Variants in AOPEP observed in about 807,000 individuals in gnomAD.
AOPEP encodes the protein aminopeptidase O (putative).
Under a neutral mutation model 98.1 loss-of-function variants are expected in AOPEP, and 77 were observed. The observed-to-expected ratio is 0.78, with a 90% confidence interval of 0.65 to 0.95. The LOEUF (loss-of-function observed/expected upper bound fraction) is 0.95. Ranked by LOEUF, AOPEP falls within the 40% of genes least tolerant of loss-of-function variation. The pLI, the probability that AOPEP is intolerant of heterozygous loss-of-function variation, is 0.00. For synonymous variants in AOPEP, 346 were observed against 365.3 expected (o/e 0.95, Z 0.60); for missense variants, 1,024 against 1,024.7 (o/e 1.00, Z 0.01).
chr9:94,850,210 A>T (rs1412447680), intron 5 of AOPEP, among the ~76,000 whole-genome samples: 1 of 151,968 alleles, frequency 6.6e-6, no homozygotes, highest in East Asian at 1.9e-4. Context: ...TAAAAAAGTT[A>T]CTTTTTAGTT....
chr9:95,123,217 C>T, the AOPEP span: 17 of 203,650 alleles, frequency 8.3e-5, no homozygotes, highest in Admixed American at 3.3e-4. Context: ...GTGGGGGGAT[C>T]GCTTGAGCCC....
chr9:95,120,345 T>A, the AOPEP span, among the ~76,000 whole-genome samples: 1 of 152,186 alleles, frequency 6.6e-6, no homozygotes, highest in Admixed American at 6.5e-5. Flanking sequence ...ATATCTGGAC[T>A]CAATTCTGAT....
intron 13 of AOPEP, among the ~76,000 whole-genome samples, chr9:95,051,350 A>G (rs1436061275): frequency 1.3e-5 from 2 of 151,476 alleles, no homozygotes; most frequent in Admixed American, 6.6e-5. Context: ...GGCCTCCCAA[A>G]ATGTTGGGAT....
chr9:94,879,095 G>C (rs1218024041), intron 5 of AOPEP, among the ~76,000 whole-genome samples: 1 of 152,182 alleles, frequency 6.6e-6, no homozygotes, highest in Non-Finnish European at 1.5e-5. Context: ...TCCAGGGTCT[G>C]CAAAATATCT....
intron 1 of AOPEP, among the ~76,000 whole-genome samples, chr9:94,744,614 T>A (rs1199779073): frequency 1.4e-5 from 2 of 143,364 alleles, no homozygotes; most frequent in Non-Finnish European, 3.0e-5. Flanking sequence ...GGCAGGAGAA[T>A]CACTTCAACC....
At chr9:95,122,041 G>T in the AOPEP span, among the ~76,000 whole-genome samples, 19 of 151,730 alleles carry the variant, frequency 1.3e-4, 2 homozygotes, top group Non-Finnish European at 1.5e-5. Flanking sequence ...TGTATTTTTA[G>T]TAGAGACAGG....
At chr9:95,046,583 G>C (rs183350199) in intron 13 of AOPEP, among the ~76,000 whole-genome samples, 83 of 152,338 alleles carry the variant, frequency 5.4e-4, no homozygotes, top group African/African-American at 1.9e-3. Flanking sequence ...TTAAAGGGGA[G>C]TGTTGTGTGC....
chr9:94,989,638 G>C (rs1333888430), intron 11 of AOPEP, among the ~76,000 whole-genome samples: 2 of 139,932 alleles, frequency 1.4e-5, no homozygotes, highest in African/African-American at 5.5e-5. Context: ...TTGAGACAGA[G>C]TCTTGCTCTC....
chr9:94,986,134 C>A (rs1225319608), intron 11 of AOPEP, among the ~76,000 whole-genome samples: 2 of 152,150 alleles, frequency 1.3e-5, no homozygotes, highest in Non-Finnish European at 2.9e-5. Flanking sequence ...GACCAAGGTG[C>A]CAACAGCGTT....
intron 11 of AOPEP, among the ~76,000 whole-genome samples, chr9:94,993,811 T>G (rs1001973290): frequency 7.2e-5 from 11 of 152,166 alleles, no homozygotes; most frequent in Admixed American, 7.2e-4. Context: ...TCACCAACTT[T>G]ATTGGCATGA....
chr9:94,857,750 TTC>T (rs1255897873), intron 5 of AOPEP, among the ~76,000 whole-genome samples: 3 of 152,170 alleles, frequency 2.0e-5, no homozygotes, highest in African/African-American at 7.2e-5. Flanking sequence ...GGCTTATCAT[TTC>T]ATGGAATGTG....
At chr9:94,869,971 A>ATTTTTTTTTTTTTTTTTT (rs10556167) in intron 5 of AOPEP, among the ~76,000 whole-genome samples, 1 of 93,554 alleles carries the variant, frequency 1.1e-5, no homozygotes, top group African/African-American at 4.4e-5. Context: ...GAAGCCATGA[A>ATTTTTTTTTTTTTTTTTT]TTTTTTTTTT....
the AOPEP span, among the ~76,000 whole-genome samples, chr9:95,122,677 G>A: frequency 6.6e-6 from 1 of 152,202 alleles, no homozygotes; most frequent in South Asian, 2.1e-4. Context: ...GGCCAACATA[G>A]AGGCTGAGGG....
intron 5 of AOPEP, among the ~76,000 whole-genome samples, chr9:94,886,856 A>G (rs2048301869): frequency 6.6e-6 from 1 of 152,204 alleles, no homozygotes; most frequent in African/African-American, 2.4e-5. Context: ...CTGTTGCTTA[A>G]TATGAATGTG....
At chr9:94,988,868 C>T (rs1401581154) in intron 11 of AOPEP, among the ~76,000 whole-genome samples, 1 of 151,890 alleles carries the variant, frequency 6.6e-6, no homozygotes, top group African/African-American at 2.4e-5. Context: ...GTAATTATCT[C>T]ATATTCTGAA....
At chr9:95,006,218 A>G (rs1372735004) in intron 13 of AOPEP, 2 of 373,734 alleles carry the variant, frequency 5.4e-6, no homozygotes. Context: ...AAATAAGGTA[A>G]GTAGCCCGTT....
chr9:94,944,869 A>T (rs1313366796), intron 7 of AOPEP, among the ~76,000 whole-genome samples: 2 of 152,242 alleles, frequency 1.3e-5, no homozygotes, highest in Non-Finnish European at 2.9e-5. Flanking sequence ...GCACAACCTT[A>T]TGAGTACACT....
At chr9:95,096,506 G>GATCAC in the AOPEP span, among the ~76,000 whole-genome samples, 6 of 152,220 alleles carry the variant, frequency 3.9e-5, no homozygotes, top group African/African-American at 1.4e-4. Flanking sequence ...CACCGCCAGT[G>GATCAC]GTGATGCCCA....
At chr9:94,877,366 C>T (rs1486220506) in intron 5 of AOPEP, among the ~76,000 whole-genome samples, 4 of 151,178 alleles carry the variant, frequency 2.6e-5, no homozygotes, top group South Asian at 2.1e-4. Flanking sequence ...TTATAGCATG[C>T]GGTAAGGGTG....
Sources: gnomAD v4.1 joint callset for allele counts (sites outside exome capture counted in the v4.1 genomes callset) on GRCh38, gnomAD v4.1.1 for gene constraint, MANE v1.5 for transcripts, NCBI Gene and HGNC (gene_info 2026-07-23, HGNC 2026-07-21) for gene names.